Variants in HMGB1 observed in about 807,000 individuals in gnomAD.
HMGB1 encodes high mobility group box 1.
For synonymous variants in HMGB1, 81 were observed against 84.0 expected, an observed-to-expected ratio of 0.96 and a Z score of 0.19; for missense variants, 79 against 253.5, an observed-to-expected ratio of 0.31 and a Z score of 4.67.
intron 1 of HMGB1, among the ~76,000 whole-genome samples, chr13:30,594,427 T>C (rs1366378925): frequency 6.6e-6 from 1 of 152,180 alleles, no homozygotes; most frequent in Non-Finnish European, 1.5e-5. Flanking sequence ...CCCATCTTTA[T>C]GTCCATGTGT....
chr13:30,553,099 C>T (rs1414473820), intron 1 of HMGB1, among the ~76,000 whole-genome samples: 1 of 152,150 alleles, frequency 6.6e-6, no homozygotes, highest in Non-Finnish European at 1.5e-5. Context: ...CCCAGGGTGG[C>T]CAATTCTGAG....
intron 1 of HMGB1, among the ~76,000 whole-genome samples, chr13:30,614,239 A>G (rs1431414697): frequency 6.6e-6 from 1 of 152,236 alleles, no homozygotes; most frequent in Non-Finnish European, 1.5e-5. Context: ...ACGTGAATGA[A>G]TGTGTTACCT....
In HMGB1 at chr13:30,510,537, A is replaced by AT. The variant is rs59254484; in HGVS notation, c.-14-46844dup. Among the ~76,000 whole-genome samples the AT allele has an allele frequency of 4.6e-3, 688 of 150,852 alleles. 4 individuals carry two copies. Among genetic ancestry groups the AT allele is most frequent in the African/African-American group, 0.014 (587 of 41,176 alleles). Reference sequence around the variant, plus strand: ...GTTTGCCTATTCCTTTCAAGCTATGATTTTTTTTTTCCATCCTTCTGACCT... The same window carrying AT: ...GTTTGCCTATTCCTTTCAAGCTATGATTTTTTTTTTTCCATCCTTCTGACCT... On this transcript the variant is annotated intron_variant, in intron 1 of 4. Coordinates refer to the HMGB1 transcript ENST00000405805.
At chr13:30,473,584 CAAG>C (rs1291857764) in intron 1 of HMGB1, among the ~76,000 whole-genome samples, 2 of 151,514 alleles carry the variant, frequency 1.3e-5, no homozygotes, top group Non-Finnish European at 2.9e-5. Context: ...TGGCTATAAT[CAAG>C]GAGATAGACA....
chr13:30,534,559 C>G (rs1173473295), intron 1 of HMGB1, among the ~76,000 whole-genome samples: 1 of 150,458 alleles, frequency 6.6e-6, no homozygotes, highest in Non-Finnish European at 1.5e-5. Context: ...TCATCCTTAT[C>G]TTACTCTTTT....
chr13:30,554,000 T>G (rs1869556430), intron 1 of HMGB1: 2 of 1,485,900 alleles, frequency 1.3e-6, no homozygotes, highest in Non-Finnish European at 1.9e-6. Flanking sequence ...AAGCAGTTGT[T>G]GTGCTGAACC....
intron 1 of HMGB1, among the ~76,000 whole-genome samples, chr13:30,523,751 GTTT>G (rs1888291611): frequency 1.3e-5 from 2 of 148,268 alleles, no homozygotes; most frequent in African/African-American, 2.5e-5. Context: ...CTTTTTTTTT[GTTT>G]GTTTGAGATG....
intron 1 of HMGB1, among the ~76,000 whole-genome samples, chr13:30,472,563 T>C (rs1886971105): frequency 6.6e-6 from 1 of 152,176 alleles, no homozygotes; most frequent in Non-Finnish European, 1.5e-5. Context: ...ATGGTGCCAC[T>C]GCACTCCAGC....
At chr13:30,611,905 A>G (rs1285482236) in intron 1 of HMGB1, among the ~76,000 whole-genome samples, 1 of 152,176 alleles carries the variant, frequency 6.6e-6, no homozygotes, top group African/African-American at 2.4e-5. Flanking sequence ...CAATAAGAAA[A>G]GAGTATCAAT....
At chr13:30,473,716 CAGAT>C (rs1257747131) in intron 1 of HMGB1, among the ~76,000 whole-genome samples, 3 of 152,144 alleles carry the variant, frequency 2.0e-5, no homozygotes, top group African/African-American at 7.2e-5. Context: ...AGGTTAAACA[CAGAT>C]AGATAGCAGT....
chr13:30,585,272 C>G (rs1158139600), intron 1 of HMGB1, among the ~76,000 whole-genome samples: 1 of 151,802 alleles, frequency 6.6e-6, no homozygotes, highest in Admixed American at 6.6e-5. Flanking sequence ...CTGGGTAGCC[C>G]GCGCCACTGC....
intron 1 of HMGB1, among the ~76,000 whole-genome samples, chr13:30,552,585 C>T (rs1869478490): frequency 6.6e-6 from 1 of 152,196 alleles, no homozygotes; most frequent in Non-Finnish European, 1.5e-5. Flanking sequence ...TATTGAAGCA[C>T]TTAGCACACA....
chr13:30,464,562 C>A (rs1188538533), intron 1 of HMGB1: 9 of 984,406 alleles, frequency 9.1e-6, no homozygotes, highest in Non-Finnish European at 9.6e-6. Context: ...CACGTGCGCC[C>A]GGCAGGCCCT....
At chr13:30,573,627 G>A (rs7986336) in intron 1 of HMGB1, among the ~76,000 whole-genome samples, 15,626 of 151,354 alleles carry the variant, frequency 0.1, 926 homozygotes, top group South Asian at 0.17. Flanking sequence ...GAAAGAAAAG[G>A]AGTCAAATGA....
At chr13:30,481,707 C>T (rs985681916) in intron 1 of HMGB1, among the ~76,000 whole-genome samples, 9 of 152,196 alleles carry the variant, frequency 5.9e-5, no homozygotes, top group Non-Finnish European at 1.2e-4. Context: ...ACTCTTGAAG[C>T]GTGCCTCTGT....
chr13:30,502,047 A>G (rs1049085465), intron 1 of HMGB1, among the ~76,000 whole-genome samples: 1 of 152,200 alleles, frequency 6.6e-6, no homozygotes, highest in Admixed American at 6.5e-5. Flanking sequence ...TTTTTAAGCC[A>G]GGACCCATTC....
chr13:30,613,312 T>C (rs1332489059), intron 1 of HMGB1, among the ~76,000 whole-genome samples: 4 of 152,324 alleles, frequency 2.6e-5, no homozygotes, highest in African/African-American at 9.6e-5. Context: ...TGTGAGCCAC[T>C]GTGCCTAGCC....
chr13:30,494,384 G>A (rs1887564885), intron 1 of HMGB1, among the ~76,000 whole-genome samples: 1 of 150,536 alleles, frequency 6.6e-6, no homozygotes, highest in Admixed American at 6.6e-5. Context: ...TTTTTGAGAT[G>A]GAGTTTCGCT....
chr13:30,561,082 C>A (rs1441703349), intron 1 of HMGB1, among the ~76,000 whole-genome samples: 2 of 151,954 alleles, frequency 1.3e-5, no homozygotes, highest in African/African-American at 4.8e-5. Context: ...ATTTATAATT[C>A]ATACTGAATT....
Sources: gnomAD v4.1 joint callset for allele counts (sites outside exome capture counted in the v4.1 genomes callset) on GRCh38, gnomAD v4.1.1 for gene constraint, MANE v1.5 for transcripts, NCBI Gene and HGNC (gene_info 2026-07-23, HGNC 2026-07-21) for gene names.